SCHIP1: variants seen among roughly 807,000 people sequenced by gnomAD.
SCHIP1 encodes the protein schwannomin interacting protein 1, also known as schwannomin-interacting protein 1.
Under a neutral mutation model 29.7 loss-of-function variants are expected in SCHIP1, and 8 were observed. That is an observed-to-expected ratio of 0.27 (90% CI 0.16 to 0.49). The LOEUF is 0.49. Ranked by LOEUF, SCHIP1 falls within the 20% of genes least tolerant of loss-of-function variation. The pLI is 0.99. For missense variants in SCHIP1, 193 were observed against 294.6 expected, an observed-to-expected ratio of 0.66 and a Z score of 2.52; for synonymous variants, 76 against 94.9, an observed-to-expected ratio of 0.80 and a Z score of 1.16.
the SCHIP1 span, among the ~76,000 whole-genome samples, chr3:159,517,958 T>C: frequency 6.6e-6 from 1 of 152,118 alleles, no homozygotes; most frequent in Non-Finnish European, 1.5e-5. Context: ...TGGGGTATTA[T>C]TGATAATAAC....
At chr3:159,396,633 A>T in the SCHIP1 span, among the ~76,000 whole-genome samples, 1 of 152,154 alleles carries the variant, frequency 6.6e-6, no homozygotes, top group Non-Finnish European at 1.5e-5. Context: ...TTCTTTAAGA[A>T]TGTTGAATAT....
At chr3:159,615,724 G>A in the SCHIP1 span, among the ~76,000 whole-genome samples, 1 of 152,212 alleles carries the variant, frequency 6.6e-6, no homozygotes, top group Non-Finnish European at 1.5e-5. Context: ...TGTGGGAGAT[G>A]CAGAAACGAT....
the SCHIP1 span, among the ~76,000 whole-genome samples, chr3:159,504,427 A>G: frequency 6.6e-6 from 1 of 152,216 alleles, no homozygotes; most frequent in Non-Finnish European, 1.5e-5. Context: ...GGAATTTTAA[A>G]GTATATTTAC....
At chr3:159,493,671 C>A in the SCHIP1 span, among the ~76,000 whole-genome samples, 1 of 151,144 alleles carries the variant, frequency 6.6e-6, no homozygotes, top group Non-Finnish European at 1.5e-5. Context: ...TAACACCCCA[C>A]TGTCAACATT....
the SCHIP1 span, among the ~76,000 whole-genome samples, chr3:159,473,040 C>A: frequency 2.0e-5 from 3 of 152,120 alleles, no homozygotes; most frequent in African/African-American, 7.2e-5. Context: ...AAAAAGAATG[C>A]TGGATGTGTT....
rs902831347 is a variant in SCHIP1, at chr3:159,877,925, T to C, written c.150-8282T>C. Among the ~76,000 whole-genome samples, 3 of 152,218 alleles carry C rather than the reference T, an allele frequency of 2.0e-5. No homozygotes were observed. In the South Asian group the frequency reaches 6.2e-4, roughly 31 times the overall value. On this transcript the variant is annotated intron_variant, in intron 2 of 6. Coordinates refer to ENST00000445224, the Ensembl canonical transcript of SCHIP1. ...CCAAGGAGGAGAATGAAATCAAGAC[T>C]GGATTGAGGAGGGATGTCAACAGTT... is the stretch of plus-strand genomic sequence containing the variant.
the SCHIP1 span, among the ~76,000 whole-genome samples, chr3:159,381,729 G>A: frequency 6.6e-6 from 1 of 152,060 alleles, no homozygotes; most frequent in East Asian, 1.9e-4. Context: ...CCAAGCAGCT[G>A]GGACTATAGG....
the SCHIP1 span, among the ~76,000 whole-genome samples, chr3:159,626,485 C>G: frequency 7.3e-4 from 111 of 151,902 alleles, no homozygotes; most frequent in Middle Eastern, 3.4e-3. Flanking sequence ...CATGATGTCA[C>G]CAGTTTCTAT....
At chr3:159,433,569 A>C in the SCHIP1 span, among the ~76,000 whole-genome samples, 77 of 152,324 alleles carry the variant, frequency 5.1e-4, no homozygotes, top group African/African-American at 1.8e-3. Context: ...TACTGATTAA[A>C]ATATGGTCTT....
the SCHIP1 span, among the ~76,000 whole-genome samples, chr3:159,834,311 T>C: frequency 3.3e-5 from 5 of 152,314 alleles, no homozygotes; most frequent in African/African-American, 1.2e-4. Context: ...ATGAACAAGA[T>C]TGTTGCAGTC....
the SCHIP1 span, among the ~76,000 whole-genome samples, chr3:159,383,576 G>T: frequency 3.3e-3 from 485 of 148,690 alleles, 8 homozygotes; most frequent in Non-Finnish European, 1.1e-3. Context: ...GCTTAGGATT[G>T]ACTTGGCAAT....
the SCHIP1 span, among the ~76,000 whole-genome samples, chr3:159,299,888 T>C: frequency 6.6e-6 from 1 of 152,128 alleles, no homozygotes; most frequent in African/African-American, 2.4e-5. Flanking sequence ...CCTGTGATAA[T>C]TGCCAACCCA....
the SCHIP1 span, among the ~76,000 whole-genome samples, chr3:159,537,569 G>A: frequency 2.0e-5 from 3 of 151,916 alleles, no homozygotes; most frequent in Admixed American, 1.3e-4. Flanking sequence ...TCATCACCTT[G>A]CTATGCTGTA....
At chr3:159,414,778 C>T in the SCHIP1 span, among the ~76,000 whole-genome samples, 1 of 152,124 alleles carries the variant, frequency 6.6e-6, no homozygotes, top group African/African-American at 2.4e-5. Context: ...TGAAACTGTT[C>T]AACCTCAGAT....
At chr3:159,705,744 T>A in the SCHIP1 span, among the ~76,000 whole-genome samples, 1 of 152,180 alleles carries the variant, frequency 6.6e-6, no homozygotes, top group East Asian at 1.9e-4. Flanking sequence ...TCTCGCTCTG[T>A]CGCCCAGGCT....
chr3:159,866,048 A>G lies in SCHIP1; in HGVS notation c.31-115A>G, dbSNP rs1266616985. 5.8e-6 allele frequency: 5 copies of G among 865,284 alleles called. No homozygotes were observed. In the African/African-American group the frequency reaches 6.8e-5, roughly 12 times the overall value. 53.6% of individuals were successfully genotyped at this position (865,284 alleles called of 1,614,324 possible). A position where few individuals can be genotyped will look rare whatever the true frequency, so the allele number is the denominator to read the frequency against. ...TTCAAATACTCTTATGCCGCAGCCT[A>G]TTTATTTGTTTTTCATCTAATGTTA... On this transcript the variant is annotated intron_variant, in intron 1 of 6. Transcript: ENST00000445224.
At chr3:159,621,822 T>G in the SCHIP1 span, among the ~76,000 whole-genome samples, 30 of 152,278 alleles carry the variant, frequency 2.0e-4, 2 homozygotes, top group East Asian at 3.1e-3. Context: ...CCCATCATCA[T>G]GCCTGGCTAA....
chr3:159,506,492 T>G, the SCHIP1 span, among the ~76,000 whole-genome samples: 27 of 152,392 alleles, frequency 1.8e-4, no homozygotes, highest in East Asian at 3.3e-3. Context: ...TTGTCAATTT[T>G]GGCTTTTGTT....
chr3:159,300,449 A>C, the SCHIP1 span, among the ~76,000 whole-genome samples: 3 of 152,092 alleles, frequency 2.0e-5, no homozygotes, highest in Non-Finnish European at 2.9e-5. Context: ...TACGTTCAAA[A>C]AGCACCAGCC....
Sources: allele counts gnomAD v4.1 joint callset (sites outside exome capture counted in the v4.1 genomes callset), GRCh38; gene constraint gnomAD v4.1.1; transcripts MANE v1.5; gene names NCBI Gene and HGNC (gene_info 2026-07-23, HGNC 2026-07-21).